The following GTPBP10 variants were observed in gnomAD, a reference collection of about 807,000 sequenced individuals.
The protein encoded by GTPBP10 is GTP binding protein 10, also known as GTP-binding protein 10.
A neutral mutation model predicts 44.8 loss-of-function variants in GTPBP10; 38 were observed. The observed-to-expected ratio is 0.85, with a 90% confidence interval of 0.65 to 1.11. GTPBP10 has a LOEUF of 1.11. Among genes scored for constraint, GTPBP10 ranks in the 50% most tolerant of loss-of-function variants. The pLI, the probability that GTPBP10 is intolerant of heterozygous loss-of-function variation, is 0.00. For missense variants in GTPBP10, 462 were observed against 453.7 expected, an observed-to-expected ratio of 1.02 and a Z score of -0.17; for synonymous variants, 152 against 150.6, an observed-to-expected ratio of 1.01 and a Z score of -0.07.
chr7:90,356,816 C>G (rs1330139353), intron 4 of GTPBP10, among the ~76,000 whole-genome samples: 1 of 152,146 alleles, frequency 6.6e-6, no homozygotes, highest in South Asian at 2.1e-4. Flanking sequence ...TGAATTGTAG[C>G]TGCTATCTTC....
At chr7:90,362,758 T>G (rs945318796) in intron 4 of GTPBP10, among the ~76,000 whole-genome samples, 1 of 152,116 alleles carries the variant, frequency 6.6e-6, no homozygotes, top group South Asian at 2.1e-4. Context: ...TTATTATTGT[T>G]TTGGAGTCTA....
Position 90,385,108 on chromosome 7 carries a change from C to T in GTPBP10, c.1118C>T (p.Pro373Leu). 1 of 1,611,734 alleles carries T rather than the reference C, an allele frequency of 6.2e-7. No homozygotes were observed. The highest frequency in any genetic ancestry group is 1.7e-4 in the Middle Eastern group (1 of 6,052). ...WISDTMSSTEPPSKHAVTTSK... is the reference protein window; with the variant it reads ...WISDTMSSTELPSKHAVTTSK... ...TCTGATACAATGTCTTCTACTGAGC[C>T]ACCATCAAAGCATGCTGTTACTACT... is the stretch of plus-strand genomic sequence containing the variant. Residue 373 changes from proline to leucine, a missense_variant, in exon 10 of 10, where the codon CCA becomes CTA. Physicochemically the swap from Pro to Leu is moderately conservative, Grantham distance 98. Coordinates refer to ENST00000222511, the MANE Select transcript of GTPBP10 (RefSeq NM_033107.4).
intron 9 of GTPBP10, among the ~76,000 whole-genome samples, chr7:90,384,280 A>G (rs1428715951): frequency 6.6e-6 from 1 of 152,170 alleles, no homozygotes; most frequent in Non-Finnish European, 1.5e-5. Flanking sequence ...CAGTTAATCC[A>G]TCTAATCAGT....
chr7:90,378,061 C>T, intron 7 of GTPBP10, 73 bp from the exon 8 acceptor site: 1 of 1,488,050 alleles, frequency 6.7e-7, no homozygotes, highest in South Asian at 1.3e-5. Context: ...GAGAGTAAAA[C>T]ATTTTAAAAC....
At chr7:90,371,010 GATAAATAAATAAATAAATAA>G (rs10525850) in intron 4 of GTPBP10, among the ~76,000 whole-genome samples, 1 of 144,998 alleles carries the variant, frequency 6.9e-6, no homozygotes, top group East Asian at 2.0e-4. Context: ...CATCTCAATA[GATAAATAAATAAATAAATAA>G]ATAAATAAAT....
chr7:90,368,062 A>C (rs1031529691), intron 4 of GTPBP10, among the ~76,000 whole-genome samples: 1 of 152,128 alleles, frequency 6.6e-6, no homozygotes, highest in African/African-American at 2.4e-5. Context: ...CTGGATATGA[A>C]ATTCTGGATT....
chr7:90,349,339 G>C (rs1189374486), intron 1 of GTPBP10, among the ~76,000 whole-genome samples: 4 of 152,104 alleles, frequency 2.6e-5, no homozygotes, highest in African/African-American at 4.8e-5. Flanking sequence ...GTGATCTAGA[G>C]GCTGATTTAC....
chr7:90,367,970 G>C (rs900847360), intron 4 of GTPBP10, among the ~76,000 whole-genome samples: 1 of 152,154 alleles, frequency 6.6e-6, no homozygotes, highest in African/African-American at 2.4e-5. Context: ...TTGTAAGGCA[G>C]GCCTGGTGTT....
intron 4 of GTPBP10, among the ~76,000 whole-genome samples, chr7:90,371,447 A>T (rs1339656049): frequency 1.3e-5 from 2 of 152,168 alleles, no homozygotes; most frequent in Admixed American, 6.5e-5. Flanking sequence ...AAAACTGCCA[A>T]TTTTTTGCAG....
intron 9 of GTPBP10, among the ~76,000 whole-genome samples, chr7:90,384,498 G>A (rs1584650204): frequency 2.0e-5 from 3 of 152,090 alleles, no homozygotes; most frequent in Admixed American, 6.5e-5. Context: ...GGTCTCCAGT[G>A]TACTGAGGCC....
chr7:90,365,774 G>T (rs190449167), intron 4 of GTPBP10, among the ~76,000 whole-genome samples: 6 of 152,090 alleles, frequency 3.9e-5, no homozygotes, highest in Admixed American at 6.5e-5. Flanking sequence ...CTTGCCTGAC[G>T]GCCCTGGCCA....
At chr7:90,369,796 C>T (rs1796221882) in intron 4 of GTPBP10, among the ~76,000 whole-genome samples, 1 of 152,206 alleles carries the variant, frequency 6.6e-6, no homozygotes, top group South Asian at 2.1e-4. Flanking sequence ...ACGCCCCACC[C>T]TGCTTTGGTT....
rs763033887 is a variant in GTPBP10 at position 90,362,956 on chromosome 7, C to T, written c.464+7726C>T. The stretch of plus-strand genomic sequence containing the variant: ...TTTTATCACAGACTAGGGTTGCAAC[C>T]CCTGCCTTTTTTTTGTTTTCCATTT... On this transcript the variant is annotated intron_variant, in intron 4 of 9. Coordinates refer to ENST00000222511, the MANE Select transcript of GTPBP10 (RefSeq NM_033107.4). 1.1e-4 allele frequency among the ~76,000 whole-genome samples: 16 copies of T among 152,098 alleles called. No individual in the cohort carries two copies. In the Middle Eastern group the frequency reaches 0.01, roughly 97 times the overall value.
In GTPBP10 at chr7:90,391,129, T is replaced by C. The variant is rs1796608004; in HGVS notation, c.*5975T>C. ...GTACCACTCTGGGGTCAAGAGAAAT[T>C]GTAAGAACAATAAAATGAGCACACA... is the stretch of plus-strand genomic sequence containing the variant. On this transcript the variant is annotated 3_prime_UTR_variant, in exon 10 of 10. Transcript: ENST00000222511. 6.6e-6 allele frequency: 1 copy of C among 152,146 alleles called. No individual in the cohort carries two copies. The highest frequency in any genetic ancestry group is 2.1e-4 in the South Asian group (1 of 4,826). The allele number at this position is 152,146 out of a possible 1,614,324, so 9.4% of individuals were successfully genotyped here. A position where few individuals can be genotyped will look rare whatever the true frequency, so the allele number is the denominator to read the frequency against.
chr7:90,384,784 G>GA (rs1796493340), intron 9 of GTPBP10, 108 bp from the exon 10 acceptor site: 1 of 1,094,620 alleles, frequency 9.1e-7, no homozygotes, highest in Non-Finnish European at 1.3e-6. Context: ...AAAAAGGCAT[G>GA]AAAAATGCTG....
chr7:90,363,979 G>A (rs1467926192), intron 4 of GTPBP10, among the ~76,000 whole-genome samples: 1 of 152,200 alleles, frequency 6.6e-6, no homozygotes, highest in Non-Finnish European at 1.5e-5. Flanking sequence ...ATGGTTTGCA[G>A]CTCCATCAGG....
chr7:90,374,420 G>A, intron 6 of GTPBP10, 66 bp downstream of exon 6: 2 of 1,017,118 alleles, frequency 2.0e-6, no homozygotes, highest in Non-Finnish European at 3.0e-6. Context: ...TACGTACTTG[G>A]ATATTATAGT....
At chr7:90,349,523 C>T (rs867501557) in intron 1 of GTPBP10, among the ~76,000 whole-genome samples, 1 of 152,140 alleles carries the variant, frequency 6.6e-6, no homozygotes, top group Admixed American at 6.5e-5. Context: ...TGGAACCAAT[C>T]CAGAGAAAAG....
chr7:90,356,062 C>T (rs569733841), intron 4 of GTPBP10, among the ~76,000 whole-genome samples: 2 of 148,786 alleles, frequency 1.3e-5, no homozygotes, highest in South Asian at 4.2e-4. Context: ...TTATTACTGT[C>T]CTACTCCAAA....
Sources: allele counts gnomAD v4.1 joint callset (sites outside exome capture counted in the v4.1 genomes callset), GRCh38; gene constraint gnomAD v4.1.1; transcripts MANE v1.5; gene names NCBI Gene and HGNC (gene_info 2026-07-23, HGNC 2026-07-21).